Variants in EBPL observed in about 807,000 individuals in gnomAD.
EBPL encodes the protein EBP like, also known as emopamil-binding protein-like.
EBPL carries 20 observed loss-of-function variants against 19.0 expected under a neutral mutation model. That is an observed-to-expected ratio of 1.05 (90% CI 0.74 to 1.53). The LOEUF (loss-of-function observed/expected upper bound fraction) is 1.53. Among genes scored for constraint, EBPL ranks in the 40% most tolerant of loss-of-function variants. The pLI, the probability that EBPL is intolerant of heterozygous loss-of-function variation, is 0.00. For synonymous variants in EBPL, 107 were observed against 117.0 expected (o/e 0.91, Z 0.55); for missense variants, 219 against 261.1 (o/e 0.84, Z 1.11).
chr13:49,690,472 A>AGTGTGTGT (rs371591969), intron 1 of EBPL, among the ~76,000 whole-genome samples: 30 of 121,696 alleles, frequency 2.5e-4, no homozygotes, highest in African/African-American at 8.1e-4. Context: ...AAAACTTAAA[A>AGTGTGTGT]GTGTGTGTGT....
At chr13:49,686,678 C>A in intron 1 of EBPL, 2 of 1,243,444 alleles carry the variant, frequency 1.6e-6, no homozygotes, top group Non-Finnish European at 2.1e-6. Context: ...CAAAAGCAGT[C>A]ATACCTGGGG....
At chr13:49,665,101 T>C (rs1325673192) in intron 2 of EBPL, among the ~76,000 whole-genome samples, 1 of 148,836 alleles carries the variant, frequency 6.7e-6, no homozygotes, top group Admixed American at 6.8e-5. Context: ...CAAAAAGAGA[T>C]ATTGACCAAG....
chr13:49,680,127 G>A (rs1022633807), intron 1 of EBPL, among the ~76,000 whole-genome samples: 1 of 152,132 alleles, frequency 6.6e-6, no homozygotes, highest in African/African-American at 2.4e-5. Flanking sequence ...AGCACTTCCA[G>A]TGGGCATGAG....
chr13:49,688,797 T>C (rs1594419500), intron 1 of EBPL, among the ~76,000 whole-genome samples: 1 of 151,994 alleles, frequency 6.6e-6, no homozygotes, highest in African/African-American at 2.4e-5. Context: ...AGTTTTAATT[T>C]TGGTTCTCCC....
rs567677656 is a variant in EBPL, at chr13:49,673,342, C to G, written c.172-3496G>C. On this transcript the variant is annotated intron_variant, in intron 1 of 3. Transcript: ENST00000242827. ...TCATCTTTATACAAAAACAACTACA[C>G]GAATGTTCATAGCAGCTTTATTTGT... is the stretch of plus-strand genomic sequence containing the variant. 1.1e-3 allele frequency among the ~76,000 whole-genome samples: 169 copies of G among 152,288 alleles called. 1 individual carries two copies. The highest frequency in any genetic ancestry group is 1.3e-3 in the Non-Finnish European group (90 of 68,026).
chr13:49,686,438 C>A, intron 1 of EBPL: 1 of 1,277,050 alleles, frequency 7.8e-7, no homozygotes, highest in Non-Finnish European at 1.0e-6. Context: ...ATCAATCCCA[C>A]TCTCACCATT....
intron 1 of EBPL, among the ~76,000 whole-genome samples, chr13:49,681,020 T>C (rs1594414832): frequency 2.0e-5 from 3 of 152,320 alleles, no homozygotes. Context: ...TAATAAGCAG[T>C]TATAAATATT....
At chr13:49,689,487 T>C (rs1303133181) in intron 1 of EBPL, among the ~76,000 whole-genome samples, 7 of 152,042 alleles carry the variant, frequency 4.6e-5, no homozygotes, top group Non-Finnish European at 1.0e-4. Flanking sequence ...GTAGCTGAGA[T>C]TATGGGCACC....
At chr13:49,691,140 G>C (rs1032771107) in intron 1 of EBPL, 114 bp downstream of exon 1, 6 of 979,390 alleles carry the variant, frequency 6.1e-6, no homozygotes, top group East Asian at 3.6e-5. Flanking sequence ...CCTGCAGCAG[G>C]GGGAGGGGCG....
chr13:49,686,450 A>T, intron 1 of EBPL: 22 of 1,275,730 alleles, frequency 1.7e-5, no homozygotes, highest in Non-Finnish European at 2.2e-5. Context: ...CTCACCATTG[A>T]CTTCCTGGTT....
chr13:49,663,318 C>T, intron 2 of EBPL, 123 bp from the exon 3 acceptor site: 2 of 1,282,660 alleles, frequency 1.6e-6, no homozygotes, highest in Non-Finnish European at 2.2e-6. Context: ...CTGCATTCTT[C>T]ACGATGCCTT....
chr13:49,661,227 C>T lies in EBPL; in HGVS notation c.381-19G>A. The T allele has an allele frequency of 1.3e-6, 2 of 1,597,014 alleles. No homozygotes were observed. Among genetic ancestry groups the T allele is most frequent in the East Asian group, 4.5e-5 (2 of 44,714 alleles). Reference sequence around the variant, plus strand: ...GAAATGCCTGTTGGAGAGAAAGAAGCCCGGGATGAACCACCAGCTTGGCAC... The same window carrying T: ...GAAATGCCTGTTGGAGAGAAAGAAGTCCGGGATGAACCACCAGCTTGGCAC... On this transcript the variant is annotated intron_variant, in intron 3 of 3. Coordinates refer to ENST00000242827, the MANE Select transcript of EBPL (RefSeq NM_032565.5).
chr13:49,691,177 AC>A (rs1340593952), intron 1 of EBPL, 76 bp downstream of exon 1: 2 of 1,199,208 alleles, frequency 1.7e-6, no homozygotes, highest in Non-Finnish European at 1.1e-6. Flanking sequence ...AAGCCGCAGG[AC>A]CCCCTCACCC....
At chr13:49,665,771 C>A (rs1965217653) in intron 2 of EBPL, among the ~76,000 whole-genome samples, 1 of 151,012 alleles carries the variant, frequency 6.6e-6, no homozygotes. Context: ...GATAATGCAG[C>A]TGCAAGTAGG....
chr13:49,684,078 GCAGA>G lies in EBPL; in HGVS notation c.171+7172_171+7175del, dbSNP rs1055711679. ...GACAGCAAAACTTTAAAGACAGAAG[GCAGA>G]CGGGTGTTTGTTGGGGCTGGTGATG... is the stretch of plus-strand genomic sequence containing the variant. On this transcript the variant is annotated intron_variant, in intron 1 of 3. Transcript: ENST00000242827. Among the ~76,000 whole-genome samples, 8 of 152,178 alleles carry G rather than the reference GCAGA, an allele frequency of 5.3e-5. No homozygotes were observed. The South Asian group carries it at 8.3e-4, about 16-fold the overall frequency.
At chr13:49,667,271 C>T (rs987639883) in intron 2 of EBPL, among the ~76,000 whole-genome samples, 4 of 152,188 alleles carry the variant, frequency 2.6e-5, no homozygotes, top group Admixed American at 6.5e-5. Context: ...AAAAGCCTGA[C>T]GATGTGATCA....
chr13:49,662,598 C>T (rs1468447109), intron 3 of EBPL, among the ~76,000 whole-genome samples: 2 of 151,972 alleles, frequency 1.3e-5, no homozygotes, highest in Admixed American at 6.6e-5. Context: ...CCTAGTAGCA[C>T]CATCACCCTT....
chr13:49,683,397 C>T (rs1566321446), intron 1 of EBPL, among the ~76,000 whole-genome samples: 1 of 151,938 alleles, frequency 6.6e-6, no homozygotes, highest in Non-Finnish European at 1.5e-5. Context: ...GGCATGGGGG[C>T]AGGCACCTGT....
Position 49,669,912 on chromosome 13 carries a change from A to G in EBPL, c.172-66T>C. 8.0e-6 allele frequency: 10 copies of G among 1,251,646 alleles called. No homozygotes were observed. In the South Asian group the frequency reaches 1.2e-4, roughly 15 times the overall value. 77.5% of individuals were successfully genotyped at this position (1,251,646 alleles called of 1,614,324 possible). On this transcript the variant is annotated intron_variant, in intron 1 of 3. Transcript: ENST00000242827. ...ACAACCACAGGATGGCACTGTAGAC[A>G]CATGGCATTGCCTGGCTCCATCCCC...
Sources: allele counts gnomAD v4.1 joint callset (sites outside exome capture counted in the v4.1 genomes callset), GRCh38; gene constraint gnomAD v4.1.1; transcripts MANE v1.5; gene names NCBI Gene and HGNC (gene_info 2026-07-23, HGNC 2026-07-21).